The following DDX42 variants were observed in gnomAD, a reference collection of about 807,000 sequenced individuals.
DDX42 encodes ATP-dependent RNA helicase DDX42.
A neutral mutation model predicts 101.5 loss-of-function variants in DDX42; 22 were observed. The ratio of observed to expected loss-of-function variants is 0.22; its 90% CI spans 0.15 to 0.31. The LOEUF (loss-of-function observed/expected upper bound fraction) is 0.31, where lower values mean the gene tolerates loss of function less well. Among genes scored for constraint, DDX42 ranks in the 10% least tolerant of loss-of-function variants. The pLI is 1.00. For missense variants in DDX42, 849 were observed against 1,199.9 expected (o/e 0.71, Z 4.32); for synonymous variants, 402 against 401.2 (o/e 1.00, Z -0.02).
chr17:63,819,102 C>T lies in DDX42; in HGVS notation c.*704C>T, dbSNP rs997013301. 19 of 152,588 alleles carry T rather than the reference C, an allele frequency of 1.2e-4. No individual in the cohort carries two copies. Among genetic ancestry groups the T allele is most frequent in the African/African-American group, 4.3e-4 (18 of 41,560 alleles). The allele number at this position is 152,588 out of a possible 1,614,324, so 9.5% of individuals were successfully genotyped here. A position where few individuals can be genotyped will look rare whatever the true frequency, so the allele number is the denominator to read the frequency against. ...ATTTAAAATTAAACAAGAAACCCAA[C>T]AACAGCTTTTAAAGTGTCTTCTATC... On this transcript the variant is annotated 3_prime_UTR_variant, in exon 18 of 18. Transcript: ENST00000389924.
chr17:63,804,425 A>AT (rs1039278150), intron 6 of DDX42, among the ~76,000 whole-genome samples: 1 of 152,218 alleles, frequency 6.6e-6, no homozygotes, highest in Non-Finnish European at 1.5e-5. Context: ...TTGGCCATAC[A>AT]TTTTTTAAAA....
chr17:63,811,388 G>T, intron 13 of DDX42: 1 of 452,248 alleles, frequency 2.2e-6, no homozygotes, highest in Non-Finnish European at 3.9e-6. Flanking sequence ...GGTATGAGTT[G>T]ATTTTGTTCA....
intron 1 of DDX42, among the ~76,000 whole-genome samples, chr17:63,779,947 C>G (rs75421314): frequency 6.6e-6 from 1 of 152,084 alleles, no homozygotes; most frequent in Non-Finnish European, 1.5e-5. Flanking sequence ...AGCTATACTC[C>G]CACAAATCTC....
chr17:63,785,955 C>G (rs930840060), intron 1 of DDX42, among the ~76,000 whole-genome samples: 7 of 152,186 alleles, frequency 4.6e-5, no homozygotes, highest in African/African-American at 1.7e-4. Context: ...GCAGCTCAGT[C>G]TTTCATATAA....
At chr17:63,788,623 A>G (rs2039580450) in intron 2 of DDX42, among the ~76,000 whole-genome samples, 1 of 152,102 alleles carries the variant, frequency 6.6e-6, no homozygotes, top group African/African-American at 2.4e-5. Flanking sequence ...CTAAGTCTTC[A>G]AAACTAGTAT....
intron 13 of DDX42, chr17:63,811,713 G>A: frequency 1.6e-6 from 1 of 636,958 alleles, no homozygotes; most frequent in Admixed American, 2.7e-5. Context: ...GCTCTACAAA[G>A]TAGTGGGGCA....
chr17:63,814,724 C>T, intron 15 of DDX42, among the ~76,000 whole-genome samples: 2 of 121,374 alleles, frequency 1.6e-5, no homozygotes, highest in East Asian at 5.5e-4. Context: ...GAGTCACACT[C>T]TATCACCCAG....
intron 17 of DDX42, chr17:63,817,177 G>A: frequency 3.9e-6 from 2 of 516,906 alleles, no homozygotes; most frequent in South Asian, 4.7e-5. Context: ...TCTACTTTGA[G>A]TCACACTTGG....
intron 2 of DDX42, among the ~76,000 whole-genome samples, chr17:63,789,571 G>T (rs8078506): frequency 0.34 from 15,016 of 44,574 alleles, 3,181 homozygotes; most frequent in African/African-American, 0.53. Flanking sequence ...TTTTGTTTTT[G>T]TTTTTTTTTT....
rs753297878 is a variant in DDX42, at chr17:63,817,992, A to G, written c.2411A>G (p.Asn804Ser). Residue 804 changes from asparagine (N) to serine (S), a missense_variant, in exon 18 of 18, where the codon AAC becomes AGC. Asn to Ser is a conservative substitution (Grantham distance 46, BLOSUM62 1). This residue lies in a region of DDX42 where 300 missense variants were observed against 304.9 expected (regional missense o/e 0.98). Transcript: ENST00000389924. ...AGCCGAGAAGGGACTGGGGGCAGCAACGGGAAAAGAGAGAGATATACTGAG... is the reference window on the plus strand; with the variant it reads ...AGCCGAGAAGGGACTGGGGGCAGCAGCGGGAAAAGAGAGAGATATACTGAG... ...NNSREGTGGSNGKRERYTENR... is the reference protein window; with the variant it reads ...NNSREGTGGSSGKRERYTENR... The G allele has an allele frequency of 1.9e-5, 31 of 1,614,066 alleles. No individual in the cohort carries two copies. Among genetic ancestry groups the G allele is most frequent in the African/African-American group, 9.3e-5 (7 of 74,918 alleles).
chr17:63,817,072 AG>A (rs2039985656), intron 17 of DDX42, 106 bp downstream of exon 17: 3 of 834,108 alleles, frequency 3.6e-6, no homozygotes, highest in South Asian at 3.2e-5. Context: ...GCTTGATGCT[AG>A]ATTTAGGGTC....
At chr17:63,791,213 TG>T in intron 2 of DDX42, among the ~76,000 whole-genome samples, 1 of 152,344 alleles carries the variant, frequency 6.6e-6, no homozygotes, top group East Asian at 1.9e-4. Flanking sequence ...CTGAAATGTT[TG>T]TTAAAGAGAA....
rs945667322 is a variant in DDX42, at chr17:63,818,364, C to T, written c.2783C>T (p.Pro928Leu). 6 of 1,613,672 alleles carry T rather than the reference C, an allele frequency of 3.7e-6. No individual in the cohort carries two copies. Among genetic ancestry groups the T allele is most frequent in the Non-Finnish European group, 5.1e-6 (6 of 1,179,938 alleles). The change falls in exon 18 of 18, where the codon CCG becomes CTG. Residue 928 changes from proline (P) to leucine (L), a missense_variant. Coordinates refer to ENST00000389924, the MANE Select transcript of DDX42 (RefSeq NM_203499.3). ...KTADGFAVPE[P>L]PKRKKSRWDS is the part of the protein sequence containing the mutation. ...GCTGACGGCTTTGCTGTCCCAGAGCCGCCTAAACGCAAGAAAAGTCGATGG... is the reference window on the plus strand; with the variant it reads ...GCTGACGGCTTTGCTGTCCCAGAGCTGCCTAAACGCAAGAAAAGTCGATGG...
chr17:63,804,907 T>C (rs1687977362), intron 6 of DDX42, 164 bp from the exon 7 acceptor site: 3 of 784,784 alleles, frequency 3.8e-6, no homozygotes, highest in Non-Finnish European at 5.8e-6. Context: ...ACAAACTAGC[T>C]ATACTTTTTA....
chr17:63,811,210 T>G, intron 13 of DDX42, 37 bp downstream of exon 13: 3 of 1,437,234 alleles, frequency 2.1e-6, no homozygotes, highest in Non-Finnish European at 2.9e-6. Context: ...CCTTAATGGG[T>G]TTATTTCTCA....
chr17:63,812,359 T>A, intron 14 of DDX42, 151 bp downstream of exon 14: 1 of 903,936 alleles, frequency 1.1e-6, no homozygotes, highest in Non-Finnish European at 1.6e-6. Flanking sequence ...AAGCAGCAGT[T>A]CAGCACAGGG....
chr17:63,818,631 G>A lies in DDX42; in HGVS notation c.*233G>A. On this transcript the variant is annotated 3_prime_UTR_variant, in exon 18 of 18. Coordinates refer to ENST00000389924, the MANE Select transcript of DDX42 (RefSeq NM_203499.3). ...GCTGGGAAGCTTCTTTTGGCTCTAG[G>A]TGAGTTGTCATGTGGGTAAGTTGAG... 2 of 503,466 alleles carry A rather than the reference G, an allele frequency of 4.0e-6. No homozygotes were observed. Among genetic ancestry groups the A allele is most frequent in the South Asian group, 5.2e-5 (2 of 38,124 alleles). The allele number at this position is 503,466 out of a possible 1,614,324, so 31.2% of individuals were successfully genotyped here.
intron 7 of DDX42, 77 bp downstream of exon 7, chr17:63,805,252 AAT>A: frequency 6.6e-7 from 1 of 1,510,336 alleles, no homozygotes; most frequent in Non-Finnish European, 8.9e-7. Context: ...TATCTAAACT[AAT>A]AACCTTGAAT....
intron 12 of DDX42, 54 bp from the exon 13 acceptor site, chr17:63,811,022 G>A: frequency 1.4e-6 from 2 of 1,434,164 alleles, no homozygotes; most frequent in South Asian, 2.4e-5. Flanking sequence ...AGCTTAATGG[G>A]TATGCATAAA....
Sources: gnomAD v4.1 joint callset for allele counts (sites outside exome capture counted in the v4.1 genomes callset) on GRCh38, gnomAD v4.1.1 for gene constraint, gnomAD v4.1.1 regional missense constraint, MANE v1.5 for transcripts, NCBI Gene and HGNC (gene_info 2026-07-23, HGNC 2026-07-21) for gene names.